The following STK40 variants were observed in gnomAD, a reference collection of about 807,000 sequenced individuals.
STK40 encodes the protein serine/threonine-protein kinase 40.
STK40 carries 13 observed loss-of-function variants against 47.9 expected under a neutral mutation model. The observed-to-expected ratio is 0.27, with a 90% confidence interval of 0.18 to 0.43. The LOEUF (loss-of-function observed/expected upper bound fraction) is 0.43, where lower values mean the gene tolerates loss of function less well. STK40 is among the 20% of genes least tolerant of loss of function. The probability of loss-of-function intolerance (pLI) is 1.00; values close to 1 mark genes in which losing one functional copy is unlikely to be tolerated. For synonymous variants in STK40, 225 were observed against 243.2 expected (o/e 0.93, Z 0.69); for missense variants, 460 against 595.1 (o/e 0.77, Z 2.36).
chr1:36,344,275 A>G lies in STK40; in HGVS notation c.740-11T>C. The G allele has an allele frequency of 6.3e-7, 1 of 1,579,828 alleles. No homozygotes were observed. The highest frequency in any genetic ancestry group is 8.6e-7 in the Non-Finnish European group (1 of 1,162,716). ...CACGGTACGGCCGGCCTACGGGCAC[A>G]CACATACCACACTGTCTTCAGGCCA... On this transcript the variant is annotated splice_polypyrimidine_tract_variant and intron_variant, in intron 7 of 10. Transcript: ENST00000373132.
intron 9 of STK40, among the ~76,000 whole-genome samples, 179 bp downstream of exon 9, chr1:36,343,681 C>T (rs1336549640): frequency 6.6e-6 from 1 of 152,220 alleles, no homozygotes; most frequent in East Asian, 1.9e-4. Flanking sequence ...CTATGGCAGC[C>T]CATAGTTGCT....
chr1:36,358,620 G>T, intron 3 of STK40, 117 bp downstream of exon 3: 1 of 1,241,102 alleles, frequency 8.1e-7, no homozygotes, highest in Non-Finnish European at 1.1e-6. Context: ...TGCTTCTCGG[G>T]AAGAAATGGC....
chr1:36,380,481 G>A (rs1647030239), intron 1 of STK40, among the ~76,000 whole-genome samples: 1 of 152,130 alleles, frequency 6.6e-6, no homozygotes. Flanking sequence ...GCAGATATCA[G>A]TCCTTCCTGA....
chr1:36,362,227 C>T (rs1258452911), intron 1 of STK40, among the ~76,000 whole-genome samples: 1 of 152,182 alleles, frequency 6.6e-6, no homozygotes, highest in Admixed American at 6.5e-5. Context: ...GAGGAGTTGT[C>T]TCTTCCAGCT....
intron 1 of STK40, among the ~76,000 whole-genome samples, chr1:36,369,840 T>C (rs1557520598): frequency 6.6e-6 from 1 of 152,150 alleles, no homozygotes; most frequent in East Asian, 1.9e-4. Context: ...GAGAACACAG[T>C]GTGGGGCTGT....
intron 1 of STK40, among the ~76,000 whole-genome samples, chr1:36,375,781 G>A (rs2124750631): frequency 6.6e-6 from 1 of 152,106 alleles, no homozygotes. Context: ...AGCACTTTGG[G>A]AGGCTGAGGC....
At chr1:36,351,250 G>A (rs1176558062) in intron 6 of STK40, among the ~76,000 whole-genome samples, 4 of 152,186 alleles carry the variant, frequency 2.6e-5, no homozygotes, top group African/African-American at 4.8e-5. Context: ...AATCCAAAGC[G>A]GGGTGAACTT....
At chr1:36,376,154 C>T (rs1273258526) in intron 1 of STK40, among the ~76,000 whole-genome samples, 1 of 152,192 alleles carries the variant, frequency 6.6e-6, no homozygotes, top group Admixed American at 6.5e-5. Flanking sequence ...AAGCCAAGAG[C>T]AGGCGATCCC....
intron 6 of STK40, among the ~76,000 whole-genome samples, chr1:36,350,200 C>T (rs1646738848): frequency 1.3e-5 from 2 of 152,254 alleles, no homozygotes; most frequent in Admixed American, 1.3e-4. Context: ...CCGCAGGCGG[C>T]TAGAGCCTGA....
intron 5 of STK40, 32 bp downstream of exon 5, chr1:36,355,174 C>T (rs1646791488): frequency 1.9e-6 from 3 of 1,605,738 alleles, no homozygotes; most frequent in Non-Finnish European, 1.7e-6. Context: ...CTTTCTGTGG[C>T]CAGAAGGCGC....
chr1:36,345,127 A>C (rs1646688469), intron 7 of STK40, among the ~76,000 whole-genome samples: 1 of 152,214 alleles, frequency 6.6e-6, no homozygotes, highest in Non-Finnish European at 1.5e-5. Flanking sequence ...TATGAAGACC[A>C]CTGGAGCATT....
chr1:36,344,369 T>TC (rs1345905686), intron 7 of STK40, 105 bp from the exon 8 acceptor site: 3 of 1,438,298 alleles, frequency 2.1e-6, no homozygotes, highest in African/African-American at 2.9e-5. Context: ...TCACTTCCAG[T>TC]CCCCCCAGAG....
In STK40 at chr1:36,343,876, C is replaced by T. The variant is rs376484708; in HGVS notation, c.988G>A (p.Ala330Thr). The change falls in exon 9 of 11, where the codon GCC becomes ACC. Residue 330 changes from alanine to threonine, a missense_variant. Physicochemically the swap from Ala to Thr is moderately conservative, Grantham distance 58 (BLOSUM62 0). Transcript: ENST00000373132. ...TCCACTTACCATGATGCAATGATGG[C>T]ACTGAGGGCCTCCAGGACGTCGGCG... ...AAADVLEALS[A>T]IIASWQSLSS... 4.4e-6 allele frequency: 7 copies of T among 1,600,506 alleles called. No homozygotes were observed. The highest frequency in any genetic ancestry group is 1.3e-5 in the African/African-American group (1 of 74,652).
intron 1 of STK40, among the ~76,000 whole-genome samples, chr1:36,377,829 C>G (rs776753768): frequency 1.3e-5 from 2 of 152,192 alleles, no homozygotes; most frequent in Non-Finnish European, 2.9e-5. Flanking sequence ...GGTACACTCA[C>G]AGGTTCACTG....
chr1:36,363,718 G>A (rs1222802059), intron 1 of STK40, among the ~76,000 whole-genome samples: 8 of 151,732 alleles, frequency 5.3e-5, no homozygotes, highest in Admixed American at 3.9e-4. Context: ...GGAAGGCTGA[G>A]GCAGGAGAAT....
Position 36,348,722 on chromosome 1 carries a change from G to A in STK40, c.717C>T (p.Tyr239=). Residue 239 remains tyrosine, a synonymous_variant, in exon 7 of 11, where the codon TAC becomes TAT. Transcript: ENST00000373132. ...TACCGCTGAGCACGTCGGGACTGAT[G>A]TAGGCAGGGCTCCCTCTCTGGTCCT... ...LLKDQRGSPA[Y]ISPDVLSGRP... is the part of the protein sequence containing the mutation. The A allele has an allele frequency of 1.2e-6, 2 of 1,610,018 alleles. No homozygotes were observed. Among genetic ancestry groups the A allele is most frequent in the East Asian group, 2.2e-5 (1 of 44,666 alleles).
intron 6 of STK40, among the ~76,000 whole-genome samples, chr1:36,350,643 ATAG>A (rs1262627683): frequency 1.3e-5 from 2 of 152,260 alleles, no homozygotes; most frequent in African/African-American, 2.4e-5. Flanking sequence ...TGCCTGGCAA[ATAG>A]TAGAAGCTGG....
At position 36,344,257 on chromosome 1, in the gene STK40, C is replaced by A. The variant is rs774219320; in HGVS notation, c.747G>T (p.Pro249=). 1.2e-6 allele frequency: 2 copies of A among 1,603,000 alleles called. No individual in the cohort carries two copies. The highest frequency in any genetic ancestry group is 1.7e-6 in the Non-Finnish European group (2 of 1,174,816). The part of the protein sequence containing the change: ...YISPDVLSGR[P]YRGKPSDMWA... Reference sequence around the variant, plus strand: ...ACATGTCACTGGGCTTGCCACGGTACGGCCGGCCTACGGGCACACACATAC... The same window carrying A: ...ACATGTCACTGGGCTTGCCACGGTAAGGCCGGCCTACGGGCACACACATAC... Residue 249 remains proline, a synonymous_variant, in exon 8 of 11, where the codon CCG becomes CCT. Coordinates refer to ENST00000373132, the MANE Select transcript of STK40 (RefSeq NM_001282547.2).
chr1:36,358,456 A>T (rs1570448544), intron 3 of STK40, 74 bp from the exon 4 acceptor site: 2 of 1,528,680 alleles, frequency 1.3e-6, no homozygotes, highest in African/African-American at 2.7e-5. Flanking sequence ...AGAACGGGGG[A>T]AGCAGGGGGC....
Sources: allele counts gnomAD v4.1 joint callset (sites outside exome capture counted in the v4.1 genomes callset), GRCh38; gene constraint gnomAD v4.1.1; transcripts MANE v1.5; gene names NCBI Gene and HGNC (gene_info 2026-07-23, HGNC 2026-07-21).